The following DENND4C variants were observed in gnomAD, a reference collection of about 807,000 sequenced individuals.
DENND4C encodes DENN domain containing 4C, also known as DENN domain-containing protein 4C.
Under a neutral mutation model 203.0 loss-of-function variants are expected in DENND4C, and 108 were observed. The observed-to-expected ratio is 0.53, with a 90% CI of 0.46 to 0.62. The LOEUF is 0.62. Ranked by LOEUF, DENND4C falls within the 20% of genes least tolerant of loss-of-function variation. The pLI is 0.00. For missense variants in DENND4C, 2,481 were observed against 2,301.2 expected, an observed-to-expected ratio of 1.08 and a Z score of -1.60; for synonymous variants, 871 against 792.4, an observed-to-expected ratio of 1.10 and a Z score of -1.67.
At chr9:19,345,789 T>C (rs758779214) in intron 22 of DENND4C, 132 bp from the exon 23 acceptor site, 127 of 848,674 alleles carry the variant, frequency 1.5e-4, no homozygotes, top group Non-Finnish European at 2.1e-4. Flanking sequence ...ATACTTTCTT[T>C]ATGGCCTCTA....
intron 1 of DENND4C, among the ~76,000 whole-genome samples, chr9:19,248,764 T>C (rs1036265345): frequency 6.6e-6 from 1 of 151,570 alleles, no homozygotes; most frequent in Admixed American, 6.6e-5. Flanking sequence ...CCTTCCACTT[T>C]CTCTCTGTTT....
rs772895471 is a variant in DENND4C, at chr9:19,341,034, T to C, written c.2924T>C (p.Ile975Thr). 5 of 1,613,080 alleles carry C rather than the reference T, an allele frequency of 3.1e-6. No homozygotes were observed. The highest frequency in any genetic ancestry group is 1.7e-5 in the Admixed American group (1 of 59,914). The change falls in exon 21 of 33, where the codon ATA becomes ACA. Residue 975 changes from isoleucine to threonine, a missense_variant. Physicochemically the swap from Ile to Thr is moderately conservative, Grantham distance 89. Transcript: ENST00000434457. ...GGATACGGGTCTAAGGATGAACTTA[T>C]AAAGGATGATGCAGAAATTCATGTG... ...DQGYGSKDEL[I>T]KDDAEIHVPE...
intron 12 of DENND4C, among the ~76,000 whole-genome samples, chr9:19,320,202 C>CT (rs969192536): frequency 2.5e-3 from 363 of 145,470 alleles, no homozygotes; most frequent in African/African-American, 5.1e-3. Flanking sequence ...TCACAAACAT[C>CT]TTTTTTTTTT....
At chr9:19,350,538 G>A (rs1823859178) in intron 23 of DENND4C, among the ~76,000 whole-genome samples, 164 bp from the exon 24 acceptor site, 1 of 152,174 alleles carries the variant, frequency 6.6e-6, no homozygotes, top group South Asian at 2.1e-4. Context: ...GTCTTAGAGT[G>A]TGGAAGTGAA....
chr9:19,243,769 T>G (rs1197764936), intron 1 of DENND4C, among the ~76,000 whole-genome samples: 1 of 152,182 alleles, frequency 6.6e-6, no homozygotes, highest in Non-Finnish European at 1.5e-5. Context: ...GCTTCTACCT[T>G]TTGGCTATTC....
chr9:19,236,401 G>A (rs192676409), intron 1 of DENND4C, among the ~76,000 whole-genome samples: 2 of 152,332 alleles, frequency 1.3e-5, no homozygotes, highest in East Asian at 3.9e-4. Flanking sequence ...AAGGCGTGAA[G>A]TAATGAAAAA....
chr9:19,260,717 C>T (rs981801784), intron 1 of DENND4C, among the ~76,000 whole-genome samples: 1 of 152,158 alleles, frequency 6.6e-6, no homozygotes, highest in Admixed American at 6.6e-5. Context: ...TTATTAATAC[C>T]TTATCAAATG....
Position 19,346,374 on chromosome 9 carries a change from T to C in DENND4C, c.3605T>C (p.Val1202Ala), listed in dbSNP as rs775920604. Residue 1202 changes from valine to alanine, a missense_variant, in exon 23 of 33, where the codon GTA (valine) becomes GCA (alanine). Transcript: ENST00000434457. The part of the protein sequence containing the change: ...VDDVPKTTAT[V>A]DTYESLLSDS... ...GACGTACCTAAAACTACTGCAACAG[T>C]AGATACATATGAGAGTCTACTAAGT... 1 of 1,614,124 alleles carries C rather than the reference T, an allele frequency of 6.2e-7. No homozygotes were observed. The highest frequency in any genetic ancestry group is 8.5e-7 in the Non-Finnish European group (1 of 1,180,028).
chr9:19,275,071 A>C (rs888407277), intron 1 of DENND4C, among the ~76,000 whole-genome samples: 4 of 151,298 alleles, frequency 2.6e-5, no homozygotes, highest in African/African-American at 9.7e-5. Flanking sequence ...TCTGCCCCCC[A>C]GGTTCAAGCG....
rs1441870638 is a variant in DENND4C at position 19,316,937 on chromosome 9, A to G, written c.1807+98A>G. 3.7e-6 allele frequency: 4 copies of G among 1,086,140 alleles called. No homozygotes were observed. The African/African-American group carries it at 4.8e-5, about 13-fold the overall frequency. The allele number at this position is 1,086,140 out of a possible 1,614,324, so 67.3% of individuals were successfully genotyped here. A position where few individuals can be genotyped will look rare whatever the true frequency, so the allele number is the denominator to read the frequency against. On this transcript the variant is annotated intron_variant, in intron 12 of 32. Transcript: ENST00000434457. ...AATACTTATTGTATAAATTATTACAAATTCACATTCAAATATAATGAACCT... is the reference window on the plus strand; with the variant it reads ...AATACTTATTGTATAAATTATTACAGATTCACATTCAAATATAATGAACCT...
chr9:19,278,877 C>A (rs868311463), intron 2 of DENND4C, among the ~76,000 whole-genome samples: 11 of 152,030 alleles, frequency 7.2e-5, no homozygotes, highest in South Asian at 4.1e-4. Context: ...TCTGCCCCCC[C>A]AGAAGCTTGA....
In DENND4C at chr9:19,290,873, A is replaced by G. The variant is rs1388514056; in HGVS notation, c.798A>G (p.Lys266=). The G allele has an allele frequency of 6.2e-7, 1 of 1,612,854 alleles. No homozygotes were observed. The highest frequency in any genetic ancestry group is 8.5e-7 in the Non-Finnish European group (1 of 1,179,378). ...TTGTCTTGACAGGTTCTTCAGCCAA[A>G]AAGGTATGTTTTTGTCTCATTGATT... ...STFVLTGSSA[K]KVYGAAIQFY... The change falls in exon 5 of 33, where the codon AAA becomes AAG. Residue 266 remains lysine, a synonymous_variant. Coordinates refer to ENST00000434457, the MANE Select transcript of DENND4C (RefSeq NM_001330640.2).
At chr9:19,371,884 A>T (rs1828899740) in intron 32 of DENND4C, 64 bp downstream of exon 32, 11 of 1,338,940 alleles carry the variant, frequency 8.2e-6, no homozygotes, top group South Asian at 2.6e-5. Context: ...AGTAATTTTT[A>T]AAAATGTAGC....
At chr9:19,342,151 T>G (rs1415195221) in intron 21 of DENND4C, among the ~76,000 whole-genome samples, 2 of 147,744 alleles carry the variant, frequency 1.4e-5, no homozygotes, top group African/African-American at 5.1e-5. Flanking sequence ...AAAAAAAGTC[T>G]ATGTGGTTTT....
intron 16 of DENND4C, among the ~76,000 whole-genome samples, chr9:19,331,467 C>G (rs1219663926): frequency 6.6e-6 from 1 of 152,126 alleles, no homozygotes; most frequent in Non-Finnish European, 1.5e-5. Flanking sequence ...TCCCAAAGTG[C>G]TAGGATTACA....
intron 30 of DENND4C, among the ~76,000 whole-genome samples, chr9:19,367,620 T>C (rs1588998274): frequency 6.6e-6 from 1 of 152,318 alleles, no homozygotes; most frequent in East Asian, 1.9e-4. Flanking sequence ...ATGCCTGTAG[T>C]CCCAGCTACT....
intron 1 of DENND4C, among the ~76,000 whole-genome samples, chr9:19,245,564 T>G (rs1824990047): frequency 7.1e-6 from 1 of 140,454 alleles, no homozygotes; most frequent in African/African-American, 2.6e-5. Flanking sequence ...CTTAAAAAAT[T>G]GTAAGCATTG....
intron 5 of DENND4C, among the ~76,000 whole-genome samples, chr9:19,293,491 G>T (rs1285117943): frequency 1.3e-5 from 2 of 152,102 alleles, no homozygotes; most frequent in Non-Finnish European, 1.5e-5. Flanking sequence ...TTGTATCTGG[G>T]AATGTGTGTG....
chr9:19,258,728 C>T (rs371375274), intron 1 of DENND4C, among the ~76,000 whole-genome samples: 3 of 151,900 alleles, frequency 2.0e-5, no homozygotes, highest in Admixed American at 6.5e-5. Flanking sequence ...GATCTCGGCT[C>T]ACTGCAGCCT....
Sources: gnomAD v4.1 joint callset for allele counts (sites outside exome capture counted in the v4.1 genomes callset) on GRCh38, gnomAD v4.1.1 for gene constraint, MANE v1.5 for transcripts, NCBI Gene and HGNC (gene_info 2026-07-23, HGNC 2026-07-21) for gene names.